The following CNTNAP2 variants were observed in gnomAD, a reference collection of about 807,000 sequenced individuals.
CNTNAP2 encodes contactin associated protein 2.
A neutral mutation model predicts 155.2 loss-of-function variants in CNTNAP2; 98 were observed. The ratio of observed to expected loss-of-function variants is 0.63; its 90% CI spans 0.54 to 0.75. The LOEUF is 0.75. Ranked by LOEUF, CNTNAP2 falls within the 30% of genes least tolerant of loss-of-function variation. The pLI is 0.00. For missense variants in CNTNAP2, 1,727 were observed against 1,688.1 expected, an observed-to-expected ratio of 1.02 and a Z score of -0.40; for synonymous variants, 651 against 631.2, an observed-to-expected ratio of 1.03 and a Z score of -0.47.
intron 2 of CNTNAP2, among the ~76,000 whole-genome samples, chr7:146,796,278 A>G (rs1373486974): frequency 6.6e-6 from 1 of 152,168 alleles, no homozygotes; most frequent in Admixed American, 6.5e-5. Flanking sequence ...AGGGTTTGCA[A>G]CAGAGAAAGA....
At chr7:148,324,738 T>C (rs1475962896) in intron 21 of CNTNAP2, among the ~76,000 whole-genome samples, 1 of 139,838 alleles carries the variant, frequency 7.2e-6, no homozygotes, top group Non-Finnish European at 1.5e-5. Context: ...GTGGTTGCAA[T>C]GAGCCAAGAT....
intron 3 of CNTNAP2, among the ~76,000 whole-genome samples, chr7:146,869,732 C>T (rs770412118): frequency 1.3e-5 from 2 of 152,054 alleles, no homozygotes; most frequent in Non-Finnish European, 2.9e-5. Context: ...AGGAAGCATC[C>T]GTCATGGGAG....
At chr7:147,385,022 G>A (rs1388640909) in intron 9 of CNTNAP2, among the ~76,000 whole-genome samples, 1 of 152,174 alleles carries the variant, frequency 6.6e-6, no homozygotes, top group African/African-American at 2.4e-5. Context: ...GAAAGGAGGA[G>A]CAAGTCACAT....
chr7:146,377,447 A>G (rs1795319015), intron 1 of CNTNAP2, among the ~76,000 whole-genome samples: 1 of 152,056 alleles, frequency 6.6e-6, no homozygotes, highest in Non-Finnish European at 1.5e-5. Context: ...CCACCTATAT[A>G]CTGATGACTA....
At chr7:148,090,525 G>A (rs1287836742) in intron 15 of CNTNAP2, among the ~76,000 whole-genome samples, 1 of 151,852 alleles carries the variant, frequency 6.6e-6, no homozygotes, top group East Asian at 1.9e-4. Flanking sequence ...CACTAATCAG[G>A]GAAATGCAAA....
intron 12 of CNTNAP2, among the ~76,000 whole-genome samples, chr7:147,584,850 G>A (rs1407205116): frequency 1.3e-5 from 2 of 152,100 alleles, no homozygotes; most frequent in African/African-American, 4.8e-5. Flanking sequence ...GGCCTCTTGG[G>A]GAAGCCTCAC....
Position 148,418,964 on chromosome 7 carries a change from G to A in CNTNAP2, c.*3348G>A, listed in dbSNP as rs1158425207. ...TGAGCGGCCACCATATGCAGGCTGA[G>A]AGCTGGGCACAGGCGAAGCCATTGG... On this transcript the variant is annotated 3_prime_UTR_variant, in exon 24 of 24. Transcript: ENST00000361727. 6.6e-6 allele frequency: 1 copy of A among 152,264 alleles called. No homozygotes were observed. Among genetic ancestry groups the A allele is most frequent in the African/African-American group, 2.4e-5 (1 of 41,472 alleles). 9.4% of individuals were successfully genotyped at this position (152,264 alleles called of 1,614,324 possible).
rs535053293 is a variant in CNTNAP2 at position 148,177,644 on chromosome 7, A to G, written c.3010+5166A>G. On this transcript the variant is annotated intron_variant, in intron 18 of 23. Transcript: ENST00000361727. ...GTGTTAGCATCGTTTAATCCTCACC[A>G]CAACCTGGTGAAATGATTGCTATTA... Among the ~76,000 whole-genome samples, 5 of 152,318 alleles carry G rather than the reference A, an allele frequency of 3.3e-5. No homozygotes were observed. In the East Asian group the frequency reaches 9.7e-4, roughly 29 times the overall value.
intron 1 of CNTNAP2, among the ~76,000 whole-genome samples, chr7:146,594,304 T>C (rs548913794): frequency 6.6e-6 from 1 of 152,270 alleles, no homozygotes; most frequent in South Asian, 2.1e-4. Flanking sequence ...TCATGTTCCA[T>C]ATGTAGCCTT....
intron 1 of CNTNAP2, among the ~76,000 whole-genome samples, chr7:146,706,322 T>C (rs1800964287): frequency 6.6e-6 from 1 of 152,088 alleles, no homozygotes; most frequent in South Asian, 2.1e-4. Context: ...TATAGCCCAA[T>C]GAGACAGTTA....
intron 8 of CNTNAP2, among the ~76,000 whole-genome samples, chr7:147,253,774 C>T (rs1275559803): frequency 6.6e-6 from 1 of 152,178 alleles, no homozygotes; most frequent in African/African-American, 2.4e-5. Flanking sequence ...AATCCTCAGG[C>T]TTCAGGCTGG....
intron 13 of CNTNAP2, among the ~76,000 whole-genome samples, chr7:147,810,008 A>G (rs545176419): frequency 6.6e-6 from 1 of 152,306 alleles, no homozygotes; most frequent in East Asian, 1.9e-4. Flanking sequence ...GACAGAACAG[A>G]TGACTCATCT....
At chr7:147,464,580 A>G (rs1458773242) in intron 10 of CNTNAP2, among the ~76,000 whole-genome samples, 1 of 151,482 alleles carries the variant, frequency 6.6e-6, no homozygotes, top group Non-Finnish European at 1.5e-5. Flanking sequence ...CACAATTTTT[A>G]GTTTCTTCAT....
At chr7:146,712,310 A>ATGTATACATATCTTATGTATACATATAT (rs1161329835) in intron 1 of CNTNAP2, among the ~76,000 whole-genome samples, 4 of 122,078 alleles carry the variant, frequency 3.3e-5, no homozygotes, top group African/African-American at 1.5e-4. Flanking sequence ...TATACTATAT[A>ATGTATACATATCTTATGTATACATATAT]GTATACATAT....
intron 13 of CNTNAP2, among the ~76,000 whole-genome samples, chr7:147,790,464 A>G (rs1295313022): frequency 6.6e-6 from 1 of 152,164 alleles, no homozygotes; most frequent in African/African-American, 2.4e-5. Flanking sequence ...ACCTCTGGAG[A>G]TTATCAATTG....
At chr7:147,365,293 C>A (rs981305984) in intron 9 of CNTNAP2, among the ~76,000 whole-genome samples, 1 of 146,150 alleles carries the variant, frequency 6.8e-6, no homozygotes, top group Non-Finnish European at 1.5e-5. Flanking sequence ...AATCCCAGCT[C>A]GAACCCAGGA....
chr7:148,365,798 GCA>G (rs370685707), intron 21 of CNTNAP2, among the ~76,000 whole-genome samples: 3 of 68,232 alleles, frequency 4.4e-5, no homozygotes, highest in East Asian at 2.7e-4. Context: ...ATGTATACAT[GCA>G]TGTGTATGCA....
At chr7:146,582,760 G>A (rs1232367701) in intron 1 of CNTNAP2, among the ~76,000 whole-genome samples, 3 of 151,974 alleles carry the variant, frequency 2.0e-5, no homozygotes, top group Admixed American at 1.3e-4. Context: ...TTAGGTTAAA[G>A]AATAAGGCAC....
intron 12 of CNTNAP2, among the ~76,000 whole-genome samples, chr7:147,621,426 T>A (rs189724427): frequency 2.2e-3 from 331 of 152,114 alleles, no homozygotes; most frequent in Non-Finnish European, 4.0e-3. Flanking sequence ...AGTACAACAA[T>A]TTTTGAAGAC....
Sources: gnomAD v4.1 joint callset for allele counts (sites outside exome capture counted in the v4.1 genomes callset) on GRCh38, gnomAD v4.1.1 for gene constraint, MANE v1.5 for transcripts, NCBI Gene and HGNC (gene_info 2026-07-23, HGNC 2026-07-21) for gene names.